ALDH8A1: variants seen among roughly 807,000 people sequenced by gnomAD.
ALDH8A1 encodes the protein 2-aminomuconic semialdehyde dehydrogenase.
Under a neutral mutation model 43.3 loss-of-function variants are expected in ALDH8A1, and 39 were observed. The observed-to-expected ratio is 0.90, with a 90% CI of 0.70 to 1.18. The LOEUF is 1.18. Ranked by LOEUF, ALDH8A1 falls within the 50% of genes most tolerant of loss-of-function variation. The pLI is 0.00. For synonymous variants in ALDH8A1, 233 were observed against 243.5 expected (o/e 0.96, Z 0.40); for missense variants, 605 against 622.6 (o/e 0.97, Z 0.30).
intron 1 of ALDH8A1, among the ~76,000 whole-genome samples, chr6:134,947,198 C>A (rs529911490): frequency 1.3e-5 from 2 of 152,194 alleles, no homozygotes; most frequent in Admixed American, 6.5e-5. Flanking sequence ...TGAAACTAGA[C>A]CCCTATCTCT....
intron 6 of ALDH8A1, among the ~76,000 whole-genome samples, chr6:134,927,771 T>C (rs1562252805): frequency 6.6e-6 from 1 of 152,242 alleles, no homozygotes; most frequent in South Asian, 2.1e-4. Flanking sequence ...GGAGGTTAAC[T>C]TTTGTTCCAC....
chr6:134,931,723 G>A (rs951557372), intron 5 of ALDH8A1, among the ~76,000 whole-genome samples: 1 of 152,206 alleles, frequency 6.6e-6, no homozygotes, highest in African/African-American at 2.4e-5. Flanking sequence ...TATTGTAAAA[G>A]TATATTGTCT....
intron 6 of ALDH8A1, among the ~76,000 whole-genome samples, chr6:134,927,271 C>T (rs78353219): frequency 0.014 from 2,087 of 152,170 alleles, 59 homozygotes; most frequent in African/African-American, 0.047. Flanking sequence ...AATTCTCCAA[C>T]AGTGGCCCAT....
intron 4 of ALDH8A1, among the ~76,000 whole-genome samples, chr6:134,938,335 G>A (rs1009321170): frequency 3.9e-5 from 6 of 152,248 alleles, no homozygotes; most frequent in Admixed American, 6.5e-5. Flanking sequence ...GTGCCTGTGC[G>A]GAGCTACAGC....
chr6:134,940,306 A>G, intron 3 of ALDH8A1: 2 of 207,798 alleles, frequency 9.6e-6, no homozygotes, highest in South Asian at 1.1e-4. Flanking sequence ...AGATTTATAG[A>G]CTGAGCTTTA....
chr6:134,938,168 A>G (rs1773779394), intron 4 of ALDH8A1, among the ~76,000 whole-genome samples: 1 of 152,232 alleles, frequency 6.6e-6, no homozygotes, highest in South Asian at 2.1e-4. Flanking sequence ...GAAAGGCAGC[A>G]AGGAGACCAA....
chr6:134,924,048 G>A (rs1467533381), intron 6 of ALDH8A1, among the ~76,000 whole-genome samples: 2 of 152,184 alleles, frequency 1.3e-5, no homozygotes, highest in Admixed American at 6.5e-5. Flanking sequence ...CCAGGACAAG[G>A]GGAGCCCGAG....
chr6:134,938,431 T>C (rs1429750208), intron 4 of ALDH8A1, among the ~76,000 whole-genome samples: 2 of 152,188 alleles, frequency 1.3e-5, no homozygotes, highest in Non-Finnish European at 2.9e-5. Context: ...TGAACCTTGA[T>C]ATGCTAGGAA....
At chr6:134,922,162 T>A (rs1380358138) in intron 6 of ALDH8A1, among the ~76,000 whole-genome samples, 3 of 152,156 alleles carry the variant, frequency 2.0e-5, no homozygotes, top group Non-Finnish European at 4.4e-5. Flanking sequence ...TAGATCCTCC[T>A]GAGGCTTTAT....
At chr6:134,935,131 G>C (rs1773706715) in intron 4 of ALDH8A1, among the ~76,000 whole-genome samples, 1 of 152,198 alleles carries the variant, frequency 6.6e-6, no homozygotes, top group Non-Finnish European at 1.5e-5. Flanking sequence ...CTAGCCTGCA[G>C]GCTGCAACCC....
chr6:134,923,973 CTG>C (rs1263537723), intron 6 of ALDH8A1, among the ~76,000 whole-genome samples: 1 of 152,202 alleles, frequency 6.6e-6, no homozygotes, highest in Non-Finnish European at 1.5e-5. Flanking sequence ...CTGGGAGTCA[CTG>C]TGGTCAAGCC....
chr6:134,933,068 A>T, intron 4 of ALDH8A1, 36 bp from the exon 5 acceptor site: 1 of 1,500,436 alleles, frequency 6.7e-7, no homozygotes, highest in Non-Finnish European at 8.8e-7. Flanking sequence ...AGTAATTCTC[A>T]GTATGTTGAA....
chr6:134,929,965 G>A (rs908245094), intron 5 of ALDH8A1, among the ~76,000 whole-genome samples: 9 of 152,206 alleles, frequency 5.9e-5, no homozygotes, highest in African/African-American at 2.2e-4. Context: ...AAGTCCAGAT[G>A]CGTGTAGGTA....
chr6:134,933,571 T>C (rs1184556660), intron 4 of ALDH8A1, among the ~76,000 whole-genome samples: 2 of 152,156 alleles, frequency 1.3e-5, no homozygotes, highest in Non-Finnish European at 2.9e-5. Flanking sequence ...TGCTTATAAA[T>C]AGCATCATAA....
rs754529921 is a variant in ALDH8A1 at position 134,918,537 on chromosome 6, A to C, written c.1342T>G (p.Trp448Gly). Residue 448 changes from tryptophan to glycine, a missense_variant, in exon 7 of 7, where the codon TGG becomes GGG. Physicochemically the swap from Trp to Gly is radical, Grantham distance 184 (BLOSUM62 -2). Transcript: ENST00000265605. ...GGAAGGTTCAGCTCCCTGATGAGCC[A>C]GCAGTTGGTCCAGACCAAGCCAGAC... is the stretch of plus-strand genomic sequence containing the variant. The part of the protein sequence containing the change: ...LQSGLVWTNC[W>G]LIRELNLPFG... 6.2e-7 allele frequency: 1 copy of C among 1,614,244 alleles called. No individual in the cohort carries two copies. Among genetic ancestry groups the C allele is most frequent in the Non-Finnish European group, 8.5e-7 (1 of 1,180,050 alleles).
Position 134,943,352 on chromosome 6 carries a change from GA to G in ALDH8A1, c.286+466del, listed in dbSNP as rs58601180. Among the ~76,000 whole-genome samples, 385 of 150,246 alleles carry G rather than the reference GA, an allele frequency of 2.6e-3. 1 individual carries two copies. Among genetic ancestry groups the G allele is most frequent in the African/African-American group, 9.1e-3 (374 of 41,028 alleles). On this transcript the variant is annotated intron_variant, in intron 2 of 6. Transcript: ENST00000265605. ...TACTCTGACCTCTGGGAAAGAGTGG[GA>G]AAAAAAAATGAGATGTGTCGGGAGT...
chr6:134,938,081 C>T (rs563173942), intron 4 of ALDH8A1, among the ~76,000 whole-genome samples: 2 of 152,150 alleles, frequency 1.3e-5, no homozygotes, highest in East Asian at 1.9e-4. Context: ...TGTTCCGAAG[C>T]GGGAGAGAGG....
At position 134,918,521 on chromosome 6, in the gene ALDH8A1, A is replaced by G; in HGVS notation, c.1358T>C (p.Leu453Pro). The G allele has an allele frequency of 6.2e-7, 1 of 1,614,208 alleles. No individual in the cohort carries two copies. The change falls in exon 7 of 7, where the codon CTG becomes CCG. Residue 453 changes from leucine to proline, a missense_variant. Coordinates refer to ENST00000265605, the MANE Select transcript of ALDH8A1 (RefSeq NM_022568.4). ...CTTCATCCCCCCGAAAGGAAGGTTC[A>G]GCTCCCTGATGAGCCAGCAGTTGGT... is the stretch of plus-strand genomic sequence containing the variant. ...VWTNCWLIRE[L>P]NLPFGGMKSS... is the part of the protein sequence containing the mutation.
intron 6 of ALDH8A1, among the ~76,000 whole-genome samples, chr6:134,925,289 A>G (rs1488145400): frequency 6.6e-6 from 1 of 152,218 alleles, no homozygotes; most frequent in Non-Finnish European, 1.5e-5. Flanking sequence ...AAAGGCATGT[A>G]TGTGTCTATA....
Sources: allele counts gnomAD v4.1 joint callset (sites outside exome capture counted in the v4.1 genomes callset), GRCh38; gene constraint gnomAD v4.1.1; transcripts MANE v1.5; gene names NCBI Gene and HGNC (gene_info 2026-07-23, HGNC 2026-07-21).